PLCB1: variants seen among roughly 807,000 people sequenced by gnomAD.
PLCB1 encodes the protein phospholipase C beta 1, also known as 1-phosphatidylinositol 4,5-bisphosphate phosphodiesterase beta-1.
A neutral mutation model predicts 161.8 loss-of-function variants in PLCB1; 46 were observed. The ratio of observed to expected loss-of-function variants is 0.28; its 90% CI spans 0.22 to 0.36. PLCB1 has a LOEUF of 0.36. Ranked by LOEUF, PLCB1 falls within the 10% of genes least tolerant of loss-of-function variation. The pLI is 1.00. For missense variants in PLCB1, 1,016 were observed against 1,472.5 expected (o/e 0.69, Z 5.07); for synonymous variants, 517 against 503.7 (o/e 1.03, Z -0.35).
chr20:8,755,052 G>T (rs1227008498), intron 23 of PLCB1, among the ~76,000 whole-genome samples: 1 of 152,164 alleles, frequency 6.6e-6, no homozygotes, highest in Non-Finnish European at 1.5e-5. Flanking sequence ...TATACAGGCT[G>T]CCCCGGTTAC....
chr20:8,632,035 C>CTTTTTTTTTTTGTTTT (rs1568537430), intron 4 of PLCB1, among the ~76,000 whole-genome samples: 53 of 45,954 alleles, frequency 1.2e-3, no homozygotes, highest in Non-Finnish European at 1.4e-3. Context: ...GTTTTTTTTG[C>CTTTTTTTTTTTGTTTT]TTTTTTTTTT....
At chr20:8,174,554 G>A (rs1184487333) in intron 2 of PLCB1, among the ~76,000 whole-genome samples, 1 of 152,134 alleles carries the variant, frequency 6.6e-6, no homozygotes, top group Admixed American at 6.5e-5. Flanking sequence ...AAATATGTGT[G>A]CAAGCAATAG....
chr20:8,167,990 A>G (rs1264268546), intron 2 of PLCB1, among the ~76,000 whole-genome samples: 1 of 152,174 alleles, frequency 6.6e-6, no homozygotes, highest in African/African-American at 2.4e-5. Flanking sequence ...GGCTTCAGCT[A>G]GGATGGCTAG....
intron 3 of PLCB1, among the ~76,000 whole-genome samples, chr20:8,385,678 G>T (rs1055789717): frequency 1.3e-5 from 2 of 152,350 alleles, no homozygotes; most frequent in South Asian, 4.1e-4. Context: ...CGATCCATGG[G>T]TTGCACAGTT....
intron 2 of PLCB1, among the ~76,000 whole-genome samples, chr20:8,298,855 T>C (rs574807586): frequency 6.6e-6 from 1 of 152,222 alleles, no homozygotes; most frequent in East Asian, 1.9e-4. Flanking sequence ...ACCAAACAGA[T>C]GTGTGGGGCA....
chr20:8,280,008 T>C (rs983132650), intron 2 of PLCB1, among the ~76,000 whole-genome samples: 4 of 152,192 alleles, frequency 2.6e-5, no homozygotes, highest in African/African-American at 9.6e-5. Context: ...CATTTCTTAA[T>C]GCATTTTACA....
chr20:8,456,345 C>T (rs986430549), intron 3 of PLCB1, among the ~76,000 whole-genome samples: 31 of 152,230 alleles, frequency 2.0e-4, no homozygotes, highest in African/African-American at 7.0e-4. Context: ...AAGTAAATTC[C>T]GATCTTTGCT....
chr20:8,188,069 G>A (rs6055618), intron 2 of PLCB1, among the ~76,000 whole-genome samples: 1,999 of 152,112 alleles, frequency 0.013, 51 homozygotes, highest in African/African-American at 0.046. Context: ...TAAGCTTCAC[G>A]TCAAGCTTTG....
chr20:8,717,933 G>A (rs1979418268), intron 14 of PLCB1, 85 bp downstream of exon 14: 4 of 1,177,458 alleles, frequency 3.4e-6, no homozygotes, highest in Non-Finnish European at 4.6e-6. Context: ...GCTCATGCCT[G>A]TAATACTACT....
intron 2 of PLCB1, among the ~76,000 whole-genome samples, chr20:8,324,237 T>A (rs949500230): frequency 3.6e-5 from 5 of 139,280 alleles, no homozygotes; most frequent in Non-Finnish European, 7.9e-5. Flanking sequence ...TGTGTGTGTG[T>A]GTGAAACTAC....
chr20:8,831,053 C>T (rs1312371258), intron 31 of PLCB1: 1 of 152,250 alleles, frequency 6.6e-6, no homozygotes, highest in African/African-American at 2.4e-5. Context: ...GGTGATCCTT[C>T]TTCCTCTCAA....
At chr20:8,203,151 G>A (rs1978341921) in intron 2 of PLCB1, among the ~76,000 whole-genome samples, 1 of 151,968 alleles carries the variant, frequency 6.6e-6, no homozygotes, top group Admixed American at 6.6e-5. Context: ...AGGATCATTT[G>A]GAAGCTGGAG....
At chr20:8,768,392 C>A (rs546352829) in intron 26 of PLCB1, among the ~76,000 whole-genome samples, 2 of 152,248 alleles carry the variant, frequency 1.3e-5, no homozygotes, top group African/African-American at 4.8e-5. Context: ...AAATTTCCCT[C>A]TTCTAATGAC....
chr20:8,697,819 G>A (rs200949898), intron 11 of PLCB1, 36 bp downstream of exon 11: 1 of 1,598,092 alleles, frequency 6.3e-7, no homozygotes, highest in South Asian at 1.1e-5. Flanking sequence ...GAGGCAGCTG[G>A]AGACACCTGA....
At chr20:8,372,304 A>T (rs1332527869) in intron 3 of PLCB1, 1 of 152,178 alleles carries the variant, frequency 6.6e-6, no homozygotes, top group Non-Finnish European at 1.5e-5. Context: ...TTAAAAGTCA[A>T]AATTCTTTCT....
intron 2 of PLCB1, among the ~76,000 whole-genome samples, chr20:8,333,454 ATTT>A (rs752198122): frequency 2.0e-4 from 30 of 152,054 alleles, no homozygotes; most frequent in Non-Finnish European, 4.0e-4. Flanking sequence ...GATAACGAAA[ATTT>A]TTATTTCATG....
At chr20:8,257,394 T>C (rs1038150223) in intron 2 of PLCB1, among the ~76,000 whole-genome samples, 1 of 152,120 alleles carries the variant, frequency 6.6e-6, no homozygotes, top group African/African-American at 2.4e-5. Context: ...AATAATTTTA[T>C]AAGAAAAAAA....
rs182565539 is a variant in PLCB1, at chr20:8,636,995, G to A, written c.384+8564G>A. Among the ~76,000 whole-genome samples the A allele has an allele frequency of 3.7e-4, 56 of 151,214 alleles. 1 individual carries two copies. Among genetic ancestry groups the A allele is most frequent in the Admixed American group, 1.3e-4 (2 of 15,200 alleles). ...CTAAGTAAGCCCTGATTGCATTACC[G>A]GTGTGCCTAGCCTGGAAGCAAGAAC... On this transcript the variant is annotated intron_variant, in intron 4 of 31. Transcript: ENST00000338037.
chr20:8,577,069 T>C (rs544935375), intron 3 of PLCB1, among the ~76,000 whole-genome samples: 6 of 152,090 alleles, frequency 3.9e-5, no homozygotes, highest in African/African-American at 1.2e-4. Context: ...GACGACAAGT[T>C]GCATTAATAA....
Sources: allele counts gnomAD v4.1 joint callset (sites outside exome capture counted in the v4.1 genomes callset), GRCh38; gene constraint gnomAD v4.1.1; transcripts MANE v1.5; gene names NCBI Gene and HGNC (gene_info 2026-07-23, HGNC 2026-07-21).